SMARCD3: variants seen among roughly 807,000 people sequenced by gnomAD.
The protein encoded by SMARCD3 is SWI/SNF related BAF chromatin remodeling complex subunit D3.
Under a neutral mutation model 58.0 loss-of-function variants are expected in SMARCD3, and 14 were observed. The ratio of observed to expected loss-of-function variants is 0.24; its 90% CI spans 0.16 to 0.38. The LOEUF is 0.38. SMARCD3 is among the 10% of genes least tolerant of loss of function. SMARCD3 has a pLI of 1.00. For missense variants in SMARCD3, 408 were observed against 636.9 expected (o/e 0.64, Z 3.87); for synonymous variants, 253 against 253.8 (o/e 1.00, Z 0.03).
Position 151,239,081 on chromosome 7 carries a change from C to T in SMARCD3, c.*22G>A, listed in dbSNP as rs771957774. ...CCCGGGACACGGCTGAAAGTTCCGT[C>T]GTGCTGCTTATTTTTGGGCTCCTAG... On this transcript the variant is annotated 3_prime_UTR_variant, in exon 13 of 13. Coordinates refer to ENST00000262188, the MANE Select transcript of SMARCD3 (RefSeq NM_001003801.2). The surrounding 1 kb of genome is among the most constrained non-coding windows in gnomAD (Gnocchi z 7.0). 26 of 1,613,158 alleles carry T rather than the reference C, an allele frequency of 1.6e-5. No homozygotes were observed. In the South Asian group the frequency reaches 1.6e-4, roughly 10 times the overall value.
chr7:151,241,416 T>A lies in SMARCD3; in HGVS notation c.939+76A>T, dbSNP rs772475129. 49 of 1,281,730 alleles carry A rather than the reference T, an allele frequency of 3.8e-5. 1 individual carries two copies. In the South Asian group the frequency reaches 6.1e-4, roughly 16 times the overall value. 79.4% of individuals were successfully genotyped at this position (1,281,730 alleles called of 1,614,324 possible). On this transcript the variant is annotated intron_variant, in intron 8 of 12. Coordinates refer to ENST00000262188, the MANE Select transcript of SMARCD3 (RefSeq NM_001003801.2). This position sits in a 1 kb window ranked among gnomAD's most constrained non-coding sequence, Gnocchi z 5.3. ...GAATCTAGAAGGGAGGGGTGGTAGT[T>A]ACCTTGGTAGAGGTACTTCCCCTGC...
At position 151,241,971 on chromosome 7, in the gene SMARCD3, C is replaced by T. The variant is rs757872167; in HGVS notation, c.683G>A (p.Arg228Gln). 4 of 1,611,056 alleles carry T rather than the reference C, an allele frequency of 2.5e-6. No homozygotes were observed. Among genetic ancestry groups the T allele is most frequent in the Non-Finnish European group, 3.4e-6 (4 of 1,178,606 alleles). Residue 228 changes from arginine to glutamine, a missense_variant, in exon 7 of 13, where the codon CGG becomes CAG. Transcript: ENST00000262188. The surrounding 1 kb of genome is among the most constrained non-coding windows in gnomAD (Gnocchi z 5.3). ...GTCCGTCTCCTGGGTCGTGGGTGTC[C>T]GATGCCACTGTCCAGGAGAGAAGAG... ...GPDNHLVEWHRTPTTQETDGF... is the reference protein window; with the variant it reads ...GPDNHLVEWHQTPTTQETDGF...
At chr7:151,259,601 GTTTTTTTT>G (rs112223142) in intron 2 of SMARCD3, among the ~76,000 whole-genome samples, 3 of 70,532 alleles carry the variant, frequency 4.3e-5, no homozygotes, top group East Asian at 4.5e-4. Flanking sequence ...CAACCTGAGA[GTTTTTTTT>G]TTTTTTTTTT....
At chr7:151,272,689 G>A (rs1563698966) in intron 2 of SMARCD3, among the ~76,000 whole-genome samples, 1 of 152,178 alleles carries the variant, frequency 6.6e-6, no homozygotes, top group South Asian at 2.1e-4. Flanking sequence ...ATCCCAAAAT[G>A]TGGGCCTGGC....
At chr7:151,265,774 T>C (rs1224281952) in intron 2 of SMARCD3, among the ~76,000 whole-genome samples, 1 of 152,150 alleles carries the variant, frequency 6.6e-6, no homozygotes, top group Non-Finnish European at 1.5e-5. Context: ...CAGTGGGTAT[T>C]TATCATCTTA....
rs1382278825 is a variant in SMARCD3, at chr7:151,243,463, C to G, written c.333+196G>C. 6.6e-6 allele frequency among the ~76,000 whole-genome samples: 1 copy of G among 152,178 alleles called. No individual in the cohort carries two copies. Among genetic ancestry groups the G allele is most frequent in the Non-Finnish European group, 1.5e-5 (1 of 68,034 alleles). ...AAACCCCCTGACAGGCCCCTGTGTT[C>G]TGGCCCCAGTGGCTCTGCTGCTTCC... On this transcript the variant is annotated intron_variant, in intron 3 of 12. Transcript: ENST00000262188. The surrounding 1 kb of genome is among the most constrained non-coding windows in gnomAD (Gnocchi z 4.4).
chr7:151,259,124 G>A (rs574089245), intron 2 of SMARCD3, among the ~76,000 whole-genome samples: 17 of 152,124 alleles, frequency 1.1e-4, no homozygotes, highest in African/African-American at 4.1e-4. Context: ...AGCTAAGGTG[G>A]GTAGATCACC....
chr7:151,254,755 C>T (rs1462513922), intron 2 of SMARCD3, among the ~76,000 whole-genome samples: 3 of 152,234 alleles, frequency 2.0e-5, no homozygotes, highest in African/African-American at 7.2e-5. Flanking sequence ...GCCCAGCGTC[C>T]TGCCCCTCAC....
intron 2 of SMARCD3, among the ~76,000 whole-genome samples, chr7:151,256,006 A>G (rs1209030645): frequency 2.0e-5 from 3 of 150,328 alleles, no homozygotes; most frequent in African/African-American, 7.4e-5. Flanking sequence ...TCAGCCTCCC[A>G]AGTAGCTGGG....
Position 151,241,326 on chromosome 7 carries a change from G to A in SMARCD3, c.939+166C>T. On this transcript the variant is annotated intron_variant, in intron 8 of 12. Transcript: ENST00000262188. The surrounding 1 kb of genome is among the most constrained non-coding windows in gnomAD (Gnocchi z 5.3). ...ACAGAGCTAATCCACAGTAGGGCCT[G>A]AACTAGAATCCTGGTCGGTCTCTTG... is the stretch of plus-strand genomic sequence containing the variant. 1.4e-6 allele frequency: 1 copy of A among 706,732 alleles called. No homozygotes were observed. Among genetic ancestry groups the A allele is most frequent in the African/African-American group, 1.7e-5 (1 of 57,458 alleles). The allele number at this position is 706,732 out of a possible 1,614,324, so 43.8% of individuals were successfully genotyped here. A position where few individuals can be genotyped will look rare whatever the true frequency, so the allele number is the denominator to read the frequency against.
At chr7:151,262,319 G>A (rs1803943322) in intron 2 of SMARCD3, among the ~76,000 whole-genome samples, 1 of 152,100 alleles carries the variant, frequency 6.6e-6, no homozygotes, top group Non-Finnish European at 1.5e-5. Context: ...TGGGCTCAAG[G>A]AATCCTCTCA....
At position 151,239,147 on chromosome 7, in the gene SMARCD3, G is replaced by A. The variant is rs753343590; in HGVS notation, c.1408C>T (p.Arg470Cys). 1.3e-5 allele frequency: 21 copies of A among 1,614,008 alleles called. No homozygotes were observed. The highest frequency in any genetic ancestry group is 1.5e-5 in the Non-Finnish European group (18 of 1,180,004). Residue 470 changes from arginine (R) to cysteine (C), a missense_variant, in exon 13 of 13, where the codon CGC becomes TGC. By Grantham distance (180) the Arg-to-Cys change is radical. Transcript: ENST00000262188. This position sits in a 1 kb window ranked among gnomAD's most constrained non-coding sequence, Gnocchi z 7.0. Reference protein sequence around the residue: ...SRYFYCKIQQRRQELEQSLVV... With the variant: ...SRYFYCKIQQCRQELEQSLVV... The stretch of plus-strand genomic sequence containing the variant: ...AGCGACTGCTCCAGCTCCTGCCTGC[G>A]CTGCTGGATCTTTAGAGGAAGTGAG...
rs973671538 is a variant in SMARCD3 at position 151,246,296 on chromosome 7, CCT to C, written c.79-627_79-626del. ...CTAGCTCATCTCAGCCACTCTGCTCCCTGTGTCCCTGCTTTTGACCCTTGGGT... is the reference window on the plus strand; with the variant it reads ...CTAGCTCATCTCAGCCACTCTGCTCCGTGTCCCTGCTTTTGACCCTTGGGT... On this transcript the variant is annotated intron_variant, in intron 1 of 12. Coordinates refer to ENST00000262188, the MANE Select transcript of SMARCD3 (RefSeq NM_001003801.2). This position sits in a 1 kb window ranked among gnomAD's most constrained non-coding sequence, Gnocchi z 4.4. The C allele has an allele frequency of 2.0e-5, 3 of 153,070 alleles. No homozygotes were observed. The highest frequency in any genetic ancestry group is 6.5e-5 in the Admixed American group (1 of 15,290). The allele number at this position is 153,070 out of a possible 1,614,324, so 9.5% of individuals were successfully genotyped here. A position where few individuals can be genotyped will look rare whatever the true frequency, so the allele number is the denominator to read the frequency against.
At chr7:151,275,034 A>G in intron 2 of SMARCD3, 1 of 1,160,092 alleles carries the variant, frequency 8.6e-7, no homozygotes, top group Non-Finnish European at 1.3e-6. Flanking sequence ...ATGTGGTGGG[A>G]GCAGGAGCCG....
At chr7:151,258,807 G>A (rs544992822) in intron 2 of SMARCD3, among the ~76,000 whole-genome samples, 17 of 152,118 alleles carry the variant, frequency 1.1e-4, no homozygotes, top group Non-Finnish European at 1.6e-4. Flanking sequence ...CTCCAGGTCC[G>A]TGCCAGCCCA....
chr7:151,242,500 T>A lies in SMARCD3; in HGVS notation c.560A>T (p.Glu187Val). 1 of 1,613,828 alleles carries A rather than the reference T, an allele frequency of 6.2e-7. No homozygotes were observed. Among genetic ancestry groups the A allele is most frequent in the Non-Finnish European group, 8.5e-7 (1 of 1,179,998 alleles). ...GSIASWELRVEGKLLDDPSKQ... is the reference protein window; with the variant it reads ...GSIASWELRVVGKLLDDPSKQ... ...ACGTACATCATCCAGGAGCTTCCCC[T>A]CCACCCGTAGCTCCCAGGAGGCAAT... The change falls in exon 5 of 13, where the codon GAG becomes GTG. Residue 187 changes from glutamate to valine, a missense_variant. This residue lies in a region of SMARCD3 where 128 missense variants were observed against 188.8 expected (regional missense o/e 0.68). Coordinates refer to ENST00000262188, the MANE Select transcript of SMARCD3 (RefSeq NM_001003801.2). The surrounding 1 kb of genome is among the most constrained non-coding windows in gnomAD (Gnocchi z 4.7).
chr7:151,247,970 C>A (rs1803352406), intron 1 of SMARCD3, among the ~76,000 whole-genome samples: 1 of 152,272 alleles, frequency 6.6e-6, no homozygotes, highest in Admixed American at 6.5e-5. Flanking sequence ...AGCTCCAGAG[C>A]CCTCCCGCTG....
At chr7:151,268,490 G>A (rs1473468044) in intron 2 of SMARCD3, among the ~76,000 whole-genome samples, 1 of 152,128 alleles carries the variant, frequency 6.6e-6, no homozygotes, top group African/African-American at 2.4e-5. Flanking sequence ...CTTTGACCTT[G>A]AGCCTCAGTG....
chr7:151,242,020 G>A lies in SMARCD3; in HGVS notation c.676-42C>T. 2 of 1,565,460 alleles carry A rather than the reference G, an allele frequency of 1.3e-6. No individual in the cohort carries two copies. The highest frequency in any genetic ancestry group is 1.8e-6 in the Non-Finnish European group (2 of 1,137,604). Reference sequence around the variant, plus strand: ...AGCTGTGTCTCCCAAAGGCCCATCTGGAGTGGTGGGGCCCAGGACTCTAGG... The same window carrying A: ...AGCTGTGTCTCCCAAAGGCCCATCTAGAGTGGTGGGGCCCAGGACTCTAGG... On this transcript the variant is annotated intron_variant, in intron 6 of 12. Coordinates refer to ENST00000262188, the MANE Select transcript of SMARCD3 (RefSeq NM_001003801.2). The surrounding 1 kb of genome is among the most constrained non-coding windows in gnomAD (Gnocchi z 4.7).
Sources: allele counts gnomAD v4.1 joint callset (sites outside exome capture counted in the v4.1 genomes callset), GRCh38; gene constraint gnomAD v4.1.1; regional missense constraint gnomAD v4.1.1; non-coding constraint Gnocchi (gnomAD v3.1); transcripts MANE v1.5; gene names NCBI Gene and HGNC (gene_info 2026-07-23, HGNC 2026-07-21).